Variants in ARL15 observed in about 807,000 individuals in gnomAD.
ARL15 encodes ADP-ribosylation factor-like protein 15.
Under a neutral mutation model 25.2 loss-of-function variants are expected in ARL15, and 19 were observed. That is an observed-to-expected ratio of 0.75 (90% CI 0.53 to 1.10). The LOEUF is 1.10. Ranked by LOEUF, ARL15 falls within the 50% of genes least tolerant of loss-of-function variation. The probability of loss-of-function intolerance (pLI) is 0.00; values close to 1 mark genes in which losing one functional copy is unlikely to be tolerated. For missense variants in ARL15, 220 were observed against 246.0 expected, an observed-to-expected ratio of 0.89 and a Z score of 0.71; for synonymous variants, 94 against 86.8, an observed-to-expected ratio of 1.08 and a Z score of -0.46.
chr5:54,093,420 T>A (rs1047746049), intron 4 of ARL15, among the ~76,000 whole-genome samples: 1 of 152,084 alleles, frequency 6.6e-6, no homozygotes, highest in Admixed American at 6.6e-5. Flanking sequence ...AGGGTAAGGA[T>A]GTGACAGAGC....
chr5:54,025,522 A>G (rs1431572186), intron 4 of ARL15, among the ~76,000 whole-genome samples: 3 of 152,228 alleles, frequency 2.0e-5, no homozygotes, highest in African/African-American at 7.2e-5. Flanking sequence ...GAATTTAAAA[A>G]TCGGAAAGTG....
chr5:54,139,459 G>A (rs1753708070), intron 3 of ARL15, among the ~76,000 whole-genome samples: 1 of 152,154 alleles, frequency 6.6e-6, no homozygotes, highest in Admixed American at 6.5e-5. Flanking sequence ...TGGGAACTAA[G>A]CTATGGGTAC....
chr5:53,935,600 G>C (rs1001029389), intron 4 of ARL15, among the ~76,000 whole-genome samples: 1 of 152,200 alleles, frequency 6.6e-6, no homozygotes, highest in Non-Finnish European at 1.5e-5. Flanking sequence ...CCTTTGAAAT[G>C]TACTTCAAGG....
chr5:53,940,103 C>T (rs11742407), intron 4 of ARL15, among the ~76,000 whole-genome samples: 2 of 151,828 alleles, frequency 1.3e-5, no homozygotes, highest in Admixed American at 6.6e-5. Flanking sequence ...CTCAGCCTCC[C>T]GAGTAGCTGG....
At chr5:54,244,565 G>C (rs1579946067) in intron 1 of ARL15, among the ~76,000 whole-genome samples, 3 of 152,124 alleles carry the variant, frequency 2.0e-5, no homozygotes, top group African/African-American at 4.8e-5. Flanking sequence ...TAAAGGTCAA[G>C]CTAAAGAATC....
intron 1 of ARL15, among the ~76,000 whole-genome samples, chr5:54,185,395 A>T (rs1755209603): frequency 6.6e-6 from 1 of 152,116 alleles, no homozygotes; most frequent in East Asian, 1.9e-4. Flanking sequence ...AAACTCCCTG[A>T]GTATCTTTTC....
chr5:53,920,933 C>T (rs1745837284), intron 4 of ARL15, among the ~76,000 whole-genome samples: 1 of 152,086 alleles, frequency 6.6e-6, no homozygotes, highest in Non-Finnish European at 1.5e-5. Flanking sequence ...GCGCACAGTC[C>T]TTCTCTCCCT....
At chr5:54,191,772 A>C (rs1402237041) in intron 1 of ARL15, among the ~76,000 whole-genome samples, 1 of 152,092 alleles carries the variant, frequency 6.6e-6, no homozygotes, top group East Asian at 1.9e-4. Flanking sequence ...AAAGCCTCAC[A>C]CTGGCTCCCT....
intron 1 of ARL15, among the ~76,000 whole-genome samples, chr5:54,182,625 G>A (rs867082896): frequency 1.0e-3 from 151 of 148,134 alleles, no homozygotes; most frequent in Middle Eastern, 7.0e-3. Context: ...TTGACTTGGC[G>A]ATGCGGGCTC....
At chr5:54,153,096 G>A (rs1356721051) in intron 3 of ARL15, among the ~76,000 whole-genome samples, 1 of 152,126 alleles carries the variant, frequency 6.6e-6, no homozygotes, top group African/African-American at 2.4e-5. Flanking sequence ...CTTAGTAACA[G>A]CCATATTTAA....
chr5:54,122,510 T>C (rs1753114267), intron 3 of ARL15, among the ~76,000 whole-genome samples: 1 of 152,250 alleles, frequency 6.6e-6, no homozygotes, highest in Non-Finnish European at 1.5e-5. Flanking sequence ...TACATACACA[T>C]ACATATAAAG....
chr5:54,242,207 G>A (rs1756976936), intron 1 of ARL15, among the ~76,000 whole-genome samples: 1 of 152,010 alleles, frequency 6.6e-6, no homozygotes, highest in African/African-American at 2.4e-5. Flanking sequence ...TAAGTTACAT[G>A]TTAAATCCAG....
intron 1 of ARL15, among the ~76,000 whole-genome samples, chr5:54,272,516 C>A (rs1443344736): frequency 6.6e-6 from 1 of 152,062 alleles, no homozygotes; most frequent in African/African-American, 2.4e-5. Flanking sequence ...TGGTGAAAAT[C>A]AAGGGTCACC....
intron 4 of ARL15, among the ~76,000 whole-genome samples, chr5:53,969,427 T>A (rs1041493890): frequency 1.3e-5 from 2 of 152,212 alleles, no homozygotes; most frequent in African/African-American, 4.8e-5. Context: ...GCAGTTAGTT[T>A]TTCTTTTTGT....
intron 1 of ARL15, among the ~76,000 whole-genome samples, chr5:54,270,692 G>A (rs1196018268): frequency 6.6e-6 from 1 of 152,138 alleles, no homozygotes; most frequent in East Asian, 1.9e-4. Context: ...TGGGTGCTAC[G>A]GCCACCTGCC....
At chr5:54,029,362 C>CCACCACCATCACCACCAT (rs1749899024) in intron 4 of ARL15, among the ~76,000 whole-genome samples, 2 of 139,942 alleles carry the variant, frequency 1.4e-5, no homozygotes, top group Non-Finnish European at 1.6e-5. Context: ...ACCACCACCA[C>CCACCACCATCACCACCAT]CACCACCACC....
At chr5:54,138,327 A>G (rs185409278) in intron 3 of ARL15, among the ~76,000 whole-genome samples, 67 of 152,314 alleles carry the variant, frequency 4.4e-4, no homozygotes, top group Admixed American at 1.2e-3. Flanking sequence ...AAATAAAAAT[A>G]AAAATTACCA....
At chr5:53,909,932 G>A (rs1293551460) in intron 4 of ARL15, among the ~76,000 whole-genome samples, 3 of 152,102 alleles carry the variant, frequency 2.0e-5, no homozygotes, top group South Asian at 4.2e-4. Flanking sequence ...CTCATGTGCC[G>A]CAGATAAATA....
intron 3 of ARL15, among the ~76,000 whole-genome samples, chr5:54,141,593 C>T (rs1288030000): frequency 6.6e-6 from 1 of 152,078 alleles, no homozygotes; most frequent in Non-Finnish European, 1.5e-5. Flanking sequence ...TACAATTTGA[C>T]AAGTTTTGAC....
Sources: allele counts gnomAD v4.1 joint callset (sites outside exome capture counted in the v4.1 genomes callset), GRCh38; gene constraint gnomAD v4.1.1; transcripts MANE v1.5; gene names NCBI Gene and HGNC (gene_info 2026-07-23, HGNC 2026-07-21).